TMEM117: variants seen among roughly 807,000 people sequenced by gnomAD.
The protein encoded by TMEM117 is transmembrane protein 117.
TMEM117 carries 27 observed loss-of-function variants against 52.4 expected under a neutral mutation model. The ratio of observed to expected loss-of-function variants is 0.51; its 90% CI spans 0.38 to 0.71. The LOEUF (loss-of-function observed/expected upper bound fraction) is 0.71, where lower values mean the gene tolerates loss of function less well. TMEM117 is among the 30% of genes least tolerant of loss of function. TMEM117 has a pLI of 0.00. For synonymous variants in TMEM117, 215 were observed against 206.3 expected (o/e 1.04, Z -0.36); for missense variants, 556 against 630.5 (o/e 0.88, Z 1.26).
rs1470524341 is a variant in TMEM117 at position 43,844,678 on chromosome 12, C to T, written c.27C>T (p.Phe9=). 2.5e-6 allele frequency: 4 copies of T among 1,613,792 alleles called. No homozygotes were observed. Among genetic ancestry groups the T allele is most frequent in the South Asian group, 1.1e-5 (1 of 90,980 alleles). ...TGGGTAAAGACTTTCGTTACTATTT[C>T]CAGCATCCCTGGTCTCGCATGATTG... The part of the protein sequence containing the change: MGKDFRYY[F]QHPWSRMIVA... The change falls in exon 2 of 8, where the codon TTC becomes TTT. Residue 9 remains phenylalanine, a synonymous_variant. Transcript: ENST00000266534.
chr12:44,172,468 A>C (rs539381608), intron 4 of TMEM117, among the ~76,000 whole-genome samples: 1 of 152,236 alleles, frequency 6.6e-6, no homozygotes, highest in East Asian at 1.9e-4. Context: ...TTTACATAGC[A>C]GTTATTCTTT....
intron 3 of TMEM117, among the ~76,000 whole-genome samples, chr12:44,129,390 C>A (rs1948378184): frequency 6.6e-6 from 1 of 152,162 alleles, no homozygotes; most frequent in Non-Finnish European, 1.5e-5. Flanking sequence ...GGGAGCAGAT[C>A]TCCTCTTTTC....
chr12:44,271,289 CCTT>C (rs1950442733), intron 5 of TMEM117, among the ~76,000 whole-genome samples: 1 of 152,068 alleles, frequency 6.6e-6, no homozygotes, highest in Admixed American at 6.6e-5. Flanking sequence ...ATCATTGTCT[CCTT>C]CTGCCCATTC....
intron 6 of TMEM117, among the ~76,000 whole-genome samples, chr12:44,322,256 G>A (rs1951141029): frequency 1.3e-5 from 2 of 152,156 alleles, no homozygotes; most frequent in Non-Finnish European, 1.5e-5. Context: ...GAGTAGCTCT[G>A]AGACATATTC....
chr12:44,278,490 T>A (rs1229567124), intron 5 of TMEM117, among the ~76,000 whole-genome samples: 1 of 152,236 alleles, frequency 6.6e-6, no homozygotes, highest in Non-Finnish European at 1.5e-5. Context: ...GTTCTTTATA[T>A]CATTGCTATT....
intron 2 of TMEM117, among the ~76,000 whole-genome samples, chr12:43,898,568 A>G (rs941257353): frequency 6.6e-6 from 1 of 152,044 alleles, no homozygotes; most frequent in African/African-American, 2.4e-5. Context: ...TCCACTTTAG[A>G]TATCTAGGAT....
intron 6 of TMEM117, among the ~76,000 whole-genome samples, chr12:44,343,821 A>G (rs1951448605): frequency 6.6e-6 from 1 of 152,198 alleles, no homozygotes; most frequent in Non-Finnish European, 1.5e-5. Flanking sequence ...ATCCAGTTTT[A>G]CATCCTCAGT....
intron 4 of TMEM117, among the ~76,000 whole-genome samples, chr12:44,197,338 C>T (rs555393732): frequency 6.6e-6 from 1 of 152,032 alleles, no homozygotes; most frequent in African/African-American, 2.4e-5. Flanking sequence ...TATGGTATAT[C>T]GTACATAATT....
rs970066516 is a variant in TMEM117, at chr12:44,389,274, T to G, written c.*602T>G. On this transcript the variant is annotated 3_prime_UTR_variant, in exon 8 of 8. Coordinates refer to ENST00000266534, the MANE Select transcript of TMEM117 (RefSeq NM_032256.3). ...GCAAAATTCAGTAATAGGAGATCCA[T>G]AACCCAACATGGGTCACTACTCGTG... 2 of 153,088 alleles carry G rather than the reference T, an allele frequency of 1.3e-5. No homozygotes were observed. The highest frequency in any genetic ancestry group is 2.9e-5 in the Non-Finnish European group (2 of 68,416). 9.5% of individuals were successfully genotyped at this position (153,088 alleles called of 1,614,324 possible). A position where few individuals can be genotyped will look rare whatever the true frequency, so the allele number is the denominator to read the frequency against.
At chr12:44,152,604 AATT>A in intron 4 of TMEM117, among the ~76,000 whole-genome samples, 1 of 125,334 alleles carries the variant, frequency 8.0e-6, no homozygotes, top group Admixed American at 8.9e-5. Context: ...ATCATATATA[AATT>A]TTTATATACA....
At chr12:44,232,148 TTATAA>T (rs1489549413) in intron 5 of TMEM117, among the ~76,000 whole-genome samples, 1 of 151,612 alleles carries the variant, frequency 6.6e-6, no homozygotes, top group African/African-American at 2.4e-5. Flanking sequence ...GATTTCTTAA[TTATAA>T]TATAGTCAAC....
chr12:44,244,277 C>A (rs1950101255), intron 5 of TMEM117: 1 of 151,934 alleles, frequency 6.6e-6, no homozygotes, highest in Admixed American at 6.6e-5. Context: ...TACATCTTCA[C>A]CAACACTTAT....
intron 4 of TMEM117, among the ~76,000 whole-genome samples, chr12:44,205,096 A>G (rs974467102): frequency 1.5e-4 from 23 of 152,240 alleles, no homozygotes; most frequent in South Asian, 4.1e-4. Flanking sequence ...TAAACTATCA[A>G]TGGAGTAAAT....
intron 5 of TMEM117, among the ~76,000 whole-genome samples, chr12:44,239,026 G>A (rs1248603527): frequency 6.6e-6 from 1 of 152,096 alleles, no homozygotes; most frequent in African/African-American, 2.4e-5. Flanking sequence ...AGAAATATCT[G>A]CATTAATATA....
At chr12:44,287,369 T>C (rs942132345) in intron 5 of TMEM117, among the ~76,000 whole-genome samples, 37 of 152,306 alleles carry the variant, frequency 2.4e-4, no homozygotes, top group Non-Finnish European at 5.0e-4. Flanking sequence ...GTAATCCAGA[T>C]AATTATTTAA....
chr12:44,117,110 C>T (rs1948157579), intron 3 of TMEM117, among the ~76,000 whole-genome samples: 1 of 152,154 alleles, frequency 6.6e-6, no homozygotes, highest in African/African-American at 2.4e-5. Context: ...TGTTGCTCAT[C>T]ACTCTAACTC....
chr12:43,831,615 C>T (rs1440873203), upstream of TMEM117, among the ~76,000 whole-genome samples: 1 of 151,328 alleles, frequency 6.6e-6, no homozygotes, highest in Non-Finnish European at 1.5e-5. Flanking sequence ...GCAATCTTGG[C>T]TCACTGCAAC....
intron 2 of TMEM117, among the ~76,000 whole-genome samples, chr12:43,910,651 A>G (rs1490104326): frequency 1.3e-5 from 2 of 150,672 alleles, no homozygotes. Context: ...GCAAAGTCTC[A>G]GGATACAAAA....
At chr12:43,888,191 A>G (rs543335575) in intron 2 of TMEM117, among the ~76,000 whole-genome samples, 1 of 152,322 alleles carries the variant, frequency 6.6e-6, no homozygotes, top group African/African-American at 2.4e-5. Flanking sequence ...TAGGCATAAT[A>G]CCTACCTCAC....
Sources: gnomAD v4.1 joint callset for allele counts (sites outside exome capture counted in the v4.1 genomes callset) on GRCh38, gnomAD v4.1.1 for gene constraint, MANE v1.5 for transcripts, NCBI Gene and HGNC (gene_info 2026-07-23, HGNC 2026-07-21) for gene names.